Variants in CALM2 observed in about 807,000 individuals in gnomAD.
CALM2 encodes calmodulin 2, also known as calmodulin-2.
CALM2 carries 2 observed loss-of-function variants against 19.8 expected under a neutral mutation model. That is an observed-to-expected ratio of 0.10 (90% confidence interval 0.04 to 0.32). The LOEUF (loss-of-function observed/expected upper bound fraction) is 0.32, where lower values mean the gene tolerates loss of function less well. Among genes scored for constraint, CALM2 ranks in the 10% least tolerant of loss-of-function variants. CALM2 has a pLI of 1.00. For missense variants in CALM2, 38 were observed against 178.7 expected, an observed-to-expected ratio of 0.21 and a Z score of 4.49; for synonymous variants, 51 against 52.1, an observed-to-expected ratio of 0.98 and a Z score of 0.09.
chr2:47,168,766 T>C (rs1666571881), intron 2 of CALM2, among the ~76,000 whole-genome samples: 1 of 127,018 alleles, frequency 7.9e-6, no homozygotes, highest in Non-Finnish European at 1.6e-5. Flanking sequence ...GATCCTCTTA[T>C]ATTCAATAGA....
intron 2 of CALM2, 37 bp from the exon 3 acceptor site, chr2:47,162,699 TTAA>T (rs1687193961): frequency 6.6e-7 from 1 of 1,512,324 alleles, no homozygotes; most frequent in Non-Finnish European, 9.0e-7. Context: ...AATACACAGA[TTAA>T]TAATAAAATG....
chr2:47,176,201 C>T, intron 1 of CALM2: 1 of 524,234 alleles, frequency 1.9e-6, no homozygotes, highest in Non-Finnish European at 3.4e-6. Context: ...GGAGCTTCAC[C>T]ACCTCGGGAA....
intron 1 of CALM2, chr2:47,173,764 A>C (rs1196728571): frequency 6.6e-6 from 1 of 152,232 alleles, no homozygotes; most frequent in South Asian, 2.1e-4. Flanking sequence ...TGATACAACA[A>C]GGATTCCTAT....
chr2:47,167,943 C>T (rs375147154), intron 2 of CALM2, among the ~76,000 whole-genome samples: 1 of 151,324 alleles, frequency 6.6e-6, no homozygotes, highest in African/African-American at 2.4e-5. Flanking sequence ...CCAACAATTA[C>T]AATTTACCAG....
intron 1 of CALM2, 172 bp downstream of exon 1, chr2:47,176,269 G>T (rs973346452): frequency 1.4e-6 from 1 of 714,422 alleles, no homozygotes; most frequent in Non-Finnish European, 2.3e-6. Flanking sequence ...ATGGGGGTGG[G>T]GGAGCACCTG....
At position 47,172,414 on chromosome 2, in the gene CALM2, C is replaced by T. The variant is rs555599995; in HGVS notation, c.4-1650G>A. ...GTAGCACAAGAATAACAATACTTAC[C>T]TTGCAGGGTTGTTGTGCAAAGTGAG... On this transcript the variant is annotated intron_variant, in intron 1 of 5. Transcript: ENST00000272298. 1.8e-4 allele frequency: 125 copies of T among 699,188 alleles called. No homozygotes were observed. The African/African-American group carries it at 2.1e-3, about 12-fold the overall frequency. The allele number at this position is 699,188 out of a possible 1,614,324, so 43.3% of individuals were successfully genotyped here. A position where few individuals can be genotyped will look rare whatever the true frequency, so the allele number is the denominator to read the frequency against.
At position 47,164,266 on chromosome 2, in the gene CALM2, AGAAAC is replaced by A. The variant is rs1558696036; in HGVS notation, c.35-1609_35-1605del. On this transcript the variant is annotated intron_variant, in intron 2 of 5. Coordinates refer to ENST00000272298, the MANE Select transcript of CALM2 (RefSeq NM_001743.6). ...AAAAAAAAAAAAGAAGAAAAAGAAAAGAAACCCCGTCTCTACTAAAACACACACAC... is the reference window on the plus strand; with the variant it reads ...AAAAAAAAAAAAGAAGAAAAAGAAAACCCGTCTCTACTAAAACACACACAC... Among the ~76,000 whole-genome samples, 3 of 102,932 alleles carry A rather than the reference AGAAAC, an allele frequency of 2.9e-5. 1 individual carries two copies. The highest frequency in any genetic ancestry group is 4.6e-5 in the Non-Finnish European group (2 of 43,736). 67.5% of individuals were successfully genotyped at this position (102,932 alleles called of 152,430 possible).
chr2:47,175,300 TA>T (rs1350150792), intron 1 of CALM2, among the ~76,000 whole-genome samples: 1 of 152,142 alleles, frequency 6.6e-6, no homozygotes, highest in African/African-American at 2.4e-5. Context: ...GCAATGTTTT[TA>T]TGTGGTCGTG....
chr2:47,174,952 G>T (rs553581383), intron 1 of CALM2, among the ~76,000 whole-genome samples: 1 of 152,202 alleles, frequency 6.6e-6, no homozygotes, highest in Admixed American at 6.5e-5. Context: ...CAGGCTGGAG[G>T]TTTCAGTTGG....
At chr2:47,174,093 T>C (rs913014687) in intron 1 of CALM2, 1 of 152,194 alleles carries the variant, frequency 6.6e-6, no homozygotes, top group African/African-American at 2.4e-5. Flanking sequence ...ATTTTCTACC[T>C]TTTTACATCT....
chr2:47,176,724 G>A (rs1573236820), upstream of CALM2: 2 of 1,380,440 alleles, frequency 1.4e-6, no homozygotes, highest in East Asian at 5.6e-5. Flanking sequence ...TTCATTTCCA[G>A]CGAGCCGTTA....
chr2:47,161,991 G>T, intron 4 of CALM2, 133 bp from the exon 5 acceptor site: 1 of 736,966 alleles, frequency 1.4e-6, no homozygotes. Flanking sequence ...AATCTACACA[G>T]TTGACCTACA....
intron 2 of CALM2, among the ~76,000 whole-genome samples, chr2:47,165,002 A>C (rs1042252554): frequency 1.3e-5 from 2 of 152,206 alleles, no homozygotes; most frequent in Non-Finnish European, 2.9e-5. Context: ...AACTAAATTG[A>C]AACCTTAGTT....
At chr2:47,162,171 CAAAAAAAA>C (rs56839340) in intron 4 of CALM2, 107 bp downstream of exon 4, 630 of 129,920 alleles carry the variant, frequency 4.8e-3, no homozygotes, top group Non-Finnish European at 6.3e-3. Flanking sequence ...GGTAAATCAT[CAAAAAAAA>C]AAAAAAAAAA....
chr2:47,161,710 CTG>C lies in CALM2; in HGVS notation c.421+11_421+12del. ...TCAAAGTGAAGAATGAGGCGTGAGA[CTG>C]AAACATTTACCTTCATAGTTTACTT... On this transcript the variant is annotated intron_variant, in intron 5 of 5. Coordinates refer to ENST00000272298, the MANE Select transcript of CALM2 (RefSeq NM_001743.6). 3 of 1,605,910 alleles carry C rather than the reference CTG, an allele frequency of 1.9e-6. No individual in the cohort carries two copies. The highest frequency in any genetic ancestry group is 2.2e-5 in the South Asian group (2 of 89,716).
At chr2:47,174,852 T>A (rs1436816789) in intron 1 of CALM2, among the ~76,000 whole-genome samples, 2 of 152,296 alleles carry the variant, frequency 1.3e-5, no homozygotes, top group Admixed American at 6.5e-5. Context: ...AAATTCAGAA[T>A]AACATTTGAA....
chr2:47,162,771 G>A (rs1388949679), intron 2 of CALM2, 109 bp from the exon 3 acceptor site: 3 of 898,780 alleles, frequency 3.3e-6, no homozygotes, highest in African/African-American at 3.4e-5. Context: ...TCGTGCCAGT[G>A]AACAGCCACT....
chr2:47,176,447 G>C lies in CALM2; in HGVS notation c.-4C>G. 6.2e-7 allele frequency: 1 copy of C among 1,613,554 alleles called. No individual in the cohort carries two copies. The highest frequency in any genetic ancestry group is 1.1e-5 in the South Asian group (1 of 91,054). On this transcript the variant is annotated 5_prime_UTR_variant, in exon 1 of 6. Transcript: ENST00000272298. ...AGCTCAGCGATGCACTCACCATGCT[G>C]CAAGCGCTACCGGTTTCCGAGACGC...
At chr2:47,170,664 T>C (rs1666636447) in intron 2 of CALM2, 70 bp downstream of exon 2, 1 of 1,149,682 alleles carries the variant, frequency 8.7e-7, no homozygotes. Flanking sequence ...TACAAGTCTC[T>C]TATTCTGACG....
Sources: gnomAD v4.1 joint callset for allele counts (sites outside exome capture counted in the v4.1 genomes callset) on GRCh38, gnomAD v4.1.1 for gene constraint, MANE v1.5 for transcripts, NCBI Gene and HGNC (gene_info 2026-07-23, HGNC 2026-07-21) for gene names.